The following TBC1D19 variants were observed in gnomAD, a reference collection of about 807,000 sequenced individuals.
TBC1D19 encodes the protein TBC1 domain family member 19.
Under a neutral mutation model 89.0 loss-of-function variants are expected in TBC1D19, and 60 were observed. That is an observed-to-expected ratio of 0.67 (90% CI 0.55 to 0.84). TBC1D19 has a LOEUF of 0.84. Ranked by LOEUF, TBC1D19 falls within the 40% of genes least tolerant of loss-of-function variation. The pLI is 0.00. For synonymous variants in TBC1D19, 189 were observed against 199.7 expected (o/e 0.95, Z 0.45); for missense variants, 500 against 610.8 (o/e 0.82, Z 1.91).
At chr4:26,585,094 G>T (rs760221698) in intron 1 of TBC1D19, 1 of 388,710 alleles carries the variant, frequency 2.6e-6, no homozygotes, top group African/African-American at 2.1e-5. Flanking sequence ...AAGTAAAGCT[G>T]ATATATACAT....
the TBC1D19 span, among the ~76,000 whole-genome samples, chr4:26,767,318 A>G: frequency 3.3e-5 from 5 of 152,236 alleles, no homozygotes; most frequent in East Asian, 9.6e-4. Flanking sequence ...ACAGTTTCTC[A>G]GCATTGCATA....
chr4:26,795,505 C>A, the TBC1D19 span, among the ~76,000 whole-genome samples: 1 of 152,152 alleles, frequency 6.6e-6, no homozygotes, highest in African/African-American at 2.4e-5. Flanking sequence ...ACCATCGTAT[C>A]CCCTGGCTCA....
chr4:26,650,997 C>T (rs1744327475), intron 7 of TBC1D19, among the ~76,000 whole-genome samples: 3 of 152,048 alleles, frequency 2.0e-5, no homozygotes, highest in Non-Finnish European at 4.4e-5. Flanking sequence ...GCTGGTTTTT[C>T]TCAGGTTTGT....
At chr4:26,601,499 TG>T (rs1188813167) in intron 1 of TBC1D19, among the ~76,000 whole-genome samples, 2 of 152,182 alleles carry the variant, frequency 1.3e-5, no homozygotes, top group African/African-American at 4.8e-5. Flanking sequence ...GGCTAGAGAT[TG>T]GGGAAGTCTT....
chr4:26,812,762 GAT>G, the TBC1D19 span, among the ~76,000 whole-genome samples: 1 of 150,344 alleles, frequency 6.7e-6, no homozygotes, highest in Non-Finnish European at 1.5e-5. The surrounding 1 kb of genome is among the most constrained non-coding windows in gnomAD (Gnocchi z 4.2). Context: ...TTCAAAAAAG[GAT>G]ATATATATAA....
At chr4:26,779,436 C>T in the TBC1D19 span, among the ~76,000 whole-genome samples, 2 of 152,226 alleles carry the variant, frequency 1.3e-5, no homozygotes, top group Non-Finnish European at 2.9e-5. Context: ...CTGCTGCTTG[C>T]AGCCCCAAGG....
At chr4:26,726,151 A>G (rs1021408203) in intron 15 of TBC1D19, among the ~76,000 whole-genome samples, 1 of 150,704 alleles carries the variant, frequency 6.6e-6, no homozygotes, top group African/African-American at 2.4e-5. Flanking sequence ...ACACACACAC[A>G]CACACACACA....
At chr4:26,647,209 A>G (rs942335168) in intron 7 of TBC1D19, among the ~76,000 whole-genome samples, 1 of 152,178 alleles carries the variant, frequency 6.6e-6, no homozygotes, top group African/African-American at 2.4e-5. Context: ...TAGGTTGTGT[A>G]ATTGGCTAGA....
chr4:26,737,307 G>A (rs935096437), intron 16 of TBC1D19, among the ~76,000 whole-genome samples: 2 of 151,954 alleles, frequency 1.3e-5, no homozygotes, highest in Non-Finnish European at 2.9e-5. Context: ...TCTTATATAT[G>A]TGAAGAATTT....
At chr4:26,594,161 T>TA (rs562715306) in intron 1 of TBC1D19, among the ~76,000 whole-genome samples, 1 of 152,162 alleles carries the variant, frequency 6.6e-6, no homozygotes, top group South Asian at 2.1e-4. Flanking sequence ...TATGCAGCCA[T>TA]AAAAAATGAT....
chr4:26,766,411 G>A, the TBC1D19 span, among the ~76,000 whole-genome samples: 1 of 152,264 alleles, frequency 6.6e-6, no homozygotes, highest in South Asian at 2.1e-4. Context: ...CTAGAGAATA[G>A]GAACAATACC....
chr4:26,809,927 C>T, the TBC1D19 span, among the ~76,000 whole-genome samples: 9 of 152,210 alleles, frequency 5.9e-5, no homozygotes, highest in East Asian at 1.9e-4. Flanking sequence ...ATGTGGCAGA[C>T]GCTGAGCCCC....
chr4:26,773,937 G>C, the TBC1D19 span, among the ~76,000 whole-genome samples: 3 of 152,142 alleles, frequency 2.0e-5, no homozygotes, highest in Non-Finnish European at 2.9e-5. Context: ...CCTTGCACAG[G>C]GGCTTTCTGC....
the TBC1D19 span, among the ~76,000 whole-genome samples, chr4:26,802,365 C>A: frequency 0.019 from 2,967 of 152,210 alleles, 93 homozygotes; most frequent in African/African-American, 0.06. Context: ...CTTTGGGAGG[C>A]CGAGGCGGGC....
chr4:26,589,961 G>A (rs550129742), intron 1 of TBC1D19, among the ~76,000 whole-genome samples: 1 of 152,166 alleles, frequency 6.6e-6, no homozygotes, highest in African/African-American at 2.4e-5. Context: ...TCAGTCTTTT[G>A]TATGGGCACC....
At chr4:26,646,338 G>T (rs1577865444) in intron 7 of TBC1D19, among the ~76,000 whole-genome samples, 1 of 152,158 alleles carries the variant, frequency 6.6e-6, no homozygotes, top group Non-Finnish European at 1.5e-5. Flanking sequence ...AGGATGTGGA[G>T]AAATTGGAAC....
intron 19 of TBC1D19, among the ~76,000 whole-genome samples, chr4:26,750,913 A>T (rs983199732): frequency 1.3e-5 from 2 of 152,314 alleles, no homozygotes; most frequent in African/African-American, 4.8e-5. Context: ...CTTGAGAAAT[A>T]TTTTCATAAA....
upstream of TBC1D19, chr4:26,584,011 G>A: frequency 1.7e-6 from 1 of 605,906 alleles, no homozygotes; most frequent in Non-Finnish European, 2.9e-6. Context: ...GTGGCCTTCA[G>A]GCGCTGAGGG....
In TBC1D19 at chr4:26,596,511, T is replaced by C. The variant is rs76496344; in HGVS notation, c.99+12219T>C. Among the ~76,000 whole-genome samples, 382 of 151,646 alleles carry C rather than the reference T, an allele frequency of 2.5e-3. 2 individuals are homozygous for C. The highest frequency in any genetic ancestry group is 8.5e-3 in the African/African-American group (352 of 41,342). The stretch of plus-strand genomic sequence containing the variant: ...GTGAGAGAGAGTGTGTTTGAACAAT[T>C]TTGCTAGGGGCTTATTAATTTTATT... On this transcript the variant is annotated intron_variant, in intron 1 of 20. Coordinates refer to ENST00000264866, the MANE Select transcript of TBC1D19 (RefSeq NM_018317.4).
Sources: gnomAD v4.1 joint callset for allele counts (sites outside exome capture counted in the v4.1 genomes callset) on GRCh38, gnomAD v4.1.1 for gene constraint, Gnocchi (gnomAD v3.1) non-coding constraint, MANE v1.5 for transcripts, NCBI Gene and HGNC (gene_info 2026-07-23, HGNC 2026-07-21) for gene names.